CUL3: variants seen among roughly 807,000 people sequenced by gnomAD.
CUL3 encodes cullin-3.
A neutral mutation model predicts 89.1 loss-of-function variants in CUL3; 19 were observed. The ratio of observed to expected loss-of-function variants is 0.21; its 90% CI spans 0.15 to 0.31. CUL3 has a LOEUF of 0.31. Ranked by LOEUF, CUL3 falls within the 10% of genes least tolerant of loss-of-function variation. The pLI, the probability that CUL3 is intolerant of heterozygous loss-of-function variation, is 1.00. For missense variants in CUL3, 469 were observed against 942.3 expected (o/e 0.50, Z 6.58); for synonymous variants, 351 against 308.4 (o/e 1.14, Z -1.45).
At chr2:224,517,481 T>C (rs1693100965) in intron 3 of CUL3, among the ~76,000 whole-genome samples, 1 of 152,166 alleles carries the variant, frequency 6.6e-6, no homozygotes, top group South Asian at 2.1e-4. Flanking sequence ...GAGACCAGCC[T>C]GGCCAATATG....
intron 2 of CUL3, among the ~76,000 whole-genome samples, chr2:224,535,892 A>G (rs1271449669): frequency 6.6e-6 from 1 of 152,186 alleles, no homozygotes; most frequent in Non-Finnish European, 1.5e-5. Context: ...CCAACCCTCC[A>G]GTGACTTGAC....
rs981700726 is a variant in CUL3 at position 224,513,582 on chromosome 2, G to A, written c.596C>T (p.Ser199Leu). ...MLMILGLEGR[S>L]VYEEDFEAPF... Reference sequence around the variant, plus strand: ...AGCCTCAAAATCTTCTTCATAGACTGATCTTCCTTCGAGACCTAAAATCAT... The same window carrying A: ...AGCCTCAAAATCTTCTTCATAGACTAATCTTCCTTCGAGACCTAAAATCAT... Residue 199 changes from serine (S) to leucine (L), a missense_variant, in exon 5 of 16, where the codon TCA becomes TTA. By Grantham distance (145) the Ser-to-Leu change is moderately radical. Transcript: ENST00000264414. The A allele has an allele frequency of 6.2e-7, 1 of 1,603,384 alleles. No individual in the cohort carries two copies.
In CUL3 at chr2:224,548,456, TA is replaced by T. The variant is rs569866972; in HGVS notation, c.264+9202del. Among the ~76,000 whole-genome samples the T allele has an allele frequency of 5.7e-3, 863 of 152,346 alleles. 4 individuals carry two copies. The highest frequency in any genetic ancestry group is 0.01 in the Admixed American group (157 of 15,306). ...AATAAATGTTCTTTCCAATAATAAC[TA>T]AAAAGATAAGTTAATTTTAAATGTT... On this transcript the variant is annotated intron_variant, in intron 2 of 15. Coordinates refer to ENST00000264414, the MANE Select transcript of CUL3 (RefSeq NM_003590.5).
chr2:224,511,075 T>A (rs929162521), intron 6 of CUL3, among the ~76,000 whole-genome samples: 1 of 152,204 alleles, frequency 6.6e-6, no homozygotes, highest in African/African-American at 2.4e-5. Context: ...AGGAGCTCAC[T>A]GGGCTCACCA....
At chr2:224,516,343 G>A (rs550868509) in intron 3 of CUL3, among the ~76,000 whole-genome samples, 1 of 148,426 alleles carries the variant, frequency 6.7e-6, no homozygotes, top group Non-Finnish European at 1.5e-5. Context: ...TTTGATATGG[G>A]GTGTCGCTCT....
chr2:224,574,651 T>C (rs1053633415), intron 1 of CUL3, among the ~76,000 whole-genome samples: 1 of 152,198 alleles, frequency 6.6e-6, no homozygotes, highest in Non-Finnish European at 1.5e-5. Context: ...AGGCTCCCTG[T>C]AAACGTTTGA....
chr2:224,496,477 C>T (rs1026896444), intron 12 of CUL3, among the ~76,000 whole-genome samples: 2 of 152,114 alleles, frequency 1.3e-5, no homozygotes, highest in African/African-American at 4.8e-5. Context: ...TAGGACTGTC[C>T]CTTGTCCCCC....
intron 6 of CUL3, among the ~76,000 whole-genome samples, chr2:224,508,176 A>T (rs932725987): frequency 6.6e-6 from 1 of 151,724 alleles, no homozygotes; most frequent in African/African-American, 2.4e-5. Context: ...ACCTTGGTCT[A>T]CAGTTCTAAG....
Position 224,575,049 on chromosome 2 carries a change from T to C in CUL3, c.66+9895A>G, listed in dbSNP as rs559797619. ...ACAGGAAAAAGACATTTTCCTTCTC[T>C]GAGACCAGAGGGAAGGAGTCGAGAA... is the stretch of plus-strand genomic sequence containing the variant. On this transcript the variant is annotated intron_variant, in intron 1 of 15. Coordinates refer to ENST00000264414, the MANE Select transcript of CUL3 (RefSeq NM_003590.5). 1.1e-4 allele frequency among the ~76,000 whole-genome samples: 16 copies of C among 152,350 alleles called. No homozygotes were observed. In the South Asian group the frequency reaches 2.1e-3, roughly 20 times the overall value.
intron 1 of CUL3, chr2:224,569,888 C>T: frequency 1.5e-6 from 1 of 664,036 alleles, no homozygotes; most frequent in Non-Finnish European, 1.8e-6. Flanking sequence ...CCAGGCAATT[C>T]AGAATGACAC....
At chr2:224,514,896 C>G in intron 3 of CUL3, 124 bp from the exon 4 acceptor site, 1 of 668,918 alleles carries the variant, frequency 1.5e-6, no homozygotes, top group Admixed American at 3.0e-5. Context: ...AGAAACACTT[C>G]AAATGATCTT....
chr2:224,569,633 A>G (rs775995507), intron 1 of CUL3: 60 of 914,922 alleles, frequency 6.6e-5, no homozygotes, highest in Admixed American at 1.7e-4. Context: ...TGATATAAAA[A>G]ATATAACCTT....
At chr2:224,488,118 A>G (rs1442940605) in intron 13 of CUL3, among the ~76,000 whole-genome samples, 4 of 152,238 alleles carry the variant, frequency 2.6e-5, no homozygotes, top group African/African-American at 9.6e-5. Flanking sequence ...GGAAATTTAT[A>G]GCACTAATTG....
At position 224,495,920 on chromosome 2, in the gene CUL3, G is replaced by C. The variant is rs2106180071; in HGVS notation, c.1754C>G (p.Ser585Cys). 1 of 1,613,936 alleles carries C rather than the reference G, an allele frequency of 6.2e-7. No homozygotes were observed. Among genetic ancestry groups the C allele is most frequent in the Non-Finnish European group, 8.5e-7 (1 of 1,179,902 alleles). The change falls in exon 13 of 16, where the codon TCT becomes TGT. Residue 585 changes from serine (S) to cysteine (C), a missense_variant. Around this residue, in one of 4 missense-constraint regions of CUL3, gnomAD observed 370 missense variants for 733.2 expected, o/e 0.50. Transcript: ENST00000264414. Reference sequence around the variant, plus strand: ...TTGCAATATGTGCTTCCGTGTATTAGAGCCAGTTACTTGTGCACCTCCAAC... The same window carrying C: ...TTGCAATATGTGCTTCCGTGTATTACAGCCAGTTACTTGTGCACCTCCAAC... Reference protein sequence around the residue: ...VGVGGAQVTGSNTRKHILQVS... With the variant: ...VGVGGAQVTGCNTRKHILQVS...
intron 2 of CUL3, among the ~76,000 whole-genome samples, chr2:224,541,521 T>C (rs1443877258): frequency 6.6e-6 from 1 of 152,174 alleles, no homozygotes; most frequent in East Asian, 1.9e-4. Flanking sequence ...TGGCAGTTCT[T>C]AGGAAGTTAA....
At chr2:224,576,984 T>C (rs1312636208) in intron 1 of CUL3, among the ~76,000 whole-genome samples, 1 of 152,196 alleles carries the variant, frequency 6.6e-6, no homozygotes, top group Non-Finnish European at 1.5e-5. Flanking sequence ...ATTCACAAAC[T>C]GGCTCTGCAG....
rs115972743 is a variant in CUL3, at chr2:224,473,687, G to C, written c.*558C>G. 1.1e-5 allele frequency: 2 copies of C among 184,168 alleles called. No individual in the cohort carries two copies. Among genetic ancestry groups the C allele is most frequent in the Non-Finnish European group, 2.3e-5 (2 of 86,476 alleles). The allele number at this position is 184,168 out of a possible 1,614,324, so 11.4% of individuals were successfully genotyped here. Reference sequence around the variant, plus strand: ...TCATAAGGCTAGAAGATGAGTAAGTGCAAGTGGTAGAATACAGCATGCTCA... The same window carrying C: ...TCATAAGGCTAGAAGATGAGTAAGTCCAAGTGGTAGAATACAGCATGCTCA... On this transcript the variant is annotated 3_prime_UTR_variant, in exon 16 of 16. Coordinates refer to ENST00000264414, the MANE Select transcript of CUL3 (RefSeq NM_003590.5).
At chr2:224,482,279 TATAAA>T (rs1414320599) in intron 13 of CUL3, among the ~76,000 whole-genome samples, 1 of 152,108 alleles carries the variant, frequency 6.6e-6, no homozygotes, top group Non-Finnish European at 1.5e-5. Flanking sequence ...TGATTCAAGT[TATAAA>T]ATATTAAAAA....
In CUL3 at chr2:224,537,614, C is replaced by A. The variant is rs186741719; in HGVS notation, c.265-1973G>T. ...AAACGTGCTTATTTTCAAAATTTTA[C>A]ACCAAGCTTCATATTCCTTTACTGA... On this transcript the variant is annotated intron_variant, in intron 2 of 15. Coordinates refer to ENST00000264414, the MANE Select transcript of CUL3 (RefSeq NM_003590.5). Among the ~76,000 whole-genome samples the A allele has an allele frequency of 8.3e-3, 1,260 of 152,240 alleles. 10 individuals carry two copies. Among genetic ancestry groups the A allele is most frequent in the African/African-American group, 0.029 (1,202 of 41,572 alleles).
Sources: allele counts gnomAD v4.1 joint callset (sites outside exome capture counted in the v4.1 genomes callset), GRCh38; gene constraint gnomAD v4.1.1; regional missense constraint gnomAD v4.1.1; transcripts MANE v1.5; gene names NCBI Gene and HGNC (gene_info 2026-07-23, HGNC 2026-07-21).